The following GLB1 variants were observed in gnomAD, a reference collection of about 807,000 sequenced individuals.
GLB1 encodes the protein beta-galactosidase.
Under a neutral mutation model 74.0 loss-of-function variants are expected in GLB1, and 56 were observed. That is an observed-to-expected ratio of 0.76 (90% confidence interval 0.61 to 0.94). The LOEUF (loss-of-function observed/expected upper bound fraction) is 0.94, where lower values mean the gene tolerates loss of function less well. Ranked by LOEUF, GLB1 falls within the 40% of genes least tolerant of loss-of-function variation. The probability of loss-of-function intolerance (pLI) is 0.00; values close to 1 mark genes in which losing one functional copy is unlikely to be tolerated. For synonymous variants in GLB1, 323 were observed against 323.6 expected (o/e 1.00, Z 0.02); for missense variants, 787 against 845.5 (o/e 0.93, Z 0.86).
chr3:33,008,512 G>A (rs1357827706), intron 15 of GLB1, among the ~76,000 whole-genome samples: 1 of 152,180 alleles, frequency 6.6e-6, no homozygotes, highest in East Asian at 1.9e-4. Flanking sequence ...CAGTCAAGGA[G>A]GATGAGGTCT....
the GLB1 span, among the ~76,000 whole-genome samples, chr3:32,974,707 A>C: frequency 6.6e-6 from 1 of 152,164 alleles, no homozygotes. Flanking sequence ...TGATGTTTCC[A>C]TTAAGAGTCT....
rs1575454011 is a variant in GLB1 at position 33,053,673 on chromosome 3, A to G, written c.734-124T>C. On this transcript the variant is annotated intron_variant, in intron 6 of 15. Transcript: ENST00000307363. ...CGGTCAGAATGTTAGTATCCCCCCA[A>G]AATTCTCATGTTGGAACTTAACACC... is the stretch of plus-strand genomic sequence containing the variant. 1.8e-5 allele frequency: 24 copies of G among 1,303,272 alleles called. No homozygotes were observed. The East Asian group carries it at 5.2e-4, about 28-fold the overall frequency. 80.7% of individuals were successfully genotyped at this position (1,303,272 alleles called of 1,614,324 possible).
the GLB1 span, among the ~76,000 whole-genome samples, chr3:32,986,712 T>C: frequency 6.6e-6 from 1 of 151,846 alleles, no homozygotes; most frequent in Non-Finnish European, 1.5e-5. Flanking sequence ...TGCCTCAGCC[T>C]CCCAAGTAGC....
At chr3:33,001,221 C>T (rs7650543) in intron 15 of GLB1, among the ~76,000 whole-genome samples, 68,726 of 149,698 alleles carry the variant, frequency 0.46, 16,470 homozygotes, top group Middle Eastern at 0.54. Flanking sequence ...CTTCTCTCTT[C>T]TCTCTCTCTC....
At chr3:33,062,810 C>T (rs550836160) in intron 5 of GLB1, among the ~76,000 whole-genome samples, 125 of 152,110 alleles carry the variant, frequency 8.2e-4, no homozygotes, top group Non-Finnish European at 1.6e-3. Flanking sequence ...ATAACAACAA[C>T]GAAAAGAATT....
At chr3:33,053,985 C>G (rs1474567188) in intron 6 of GLB1, among the ~76,000 whole-genome samples, 2 of 151,866 alleles carry the variant, frequency 1.3e-5, no homozygotes, top group Admixed American at 6.5e-5. Context: ...TGCACTCCAG[C>G]CTGGGCAACA....
intron 11 of GLB1, 113 bp downstream of exon 11, chr3:33,024,138 A>G (rs568786483): frequency 7.9e-7 from 1 of 1,259,306 alleles, no homozygotes; most frequent in South Asian, 1.3e-5. Context: ...ACAAATTCGC[A>G]GAAAAATAAC....
In GLB1 at chr3:33,093,429, C is replaced by T. The variant is rs143069303; in HGVS notation, c.75+3582G>A. 51 of 1,614,014 alleles carry T rather than the reference C, an allele frequency of 3.2e-5. No individual in the cohort carries two copies. The highest frequency in any genetic ancestry group is 2.1e-4 in the South Asian group (19 of 91,082). ...CTGGCCCAGAGGAGCGACAGCCGTC[C>T]GCAGGACCGAGGCTTCTGAGTCGGA... On this transcript the variant is annotated intron_variant, in intron 1 of 15. Transcript: ENST00000307363. The surrounding 1 kb of genome is among the most constrained non-coding windows in gnomAD (Gnocchi z 6.0).
intron 14 of GLB1, among the ~76,000 whole-genome samples, chr3:33,015,146 C>T (rs1255072487): frequency 9.9e-5 from 15 of 152,072 alleles, no homozygotes. Context: ...ACAGCAAGAT[C>T]CTGTCTCAAG....
In GLB1 at chr3:33,093,852, G is replaced by A. The variant is rs1365997473; in HGVS notation, c.75+3159C>T. The A allele has an allele frequency of 6.8e-6, 11 of 1,613,724 alleles. No homozygotes were observed. Among genetic ancestry groups the A allele is most frequent in the Non-Finnish European group, 9.3e-6 (11 of 1,179,834 alleles). On this transcript the variant is annotated intron_variant, in intron 1 of 15. Transcript: ENST00000307363. The surrounding 1 kb of genome is among the most constrained non-coding windows in gnomAD (Gnocchi z 6.0). ...ACCCAGGCAGGAGTAGGCCGCCAAG[G>A]AAAAGAGATAGGGCTCTTCGGCCAC...
At chr3:32,967,594 TG>T in the GLB1 span, among the ~76,000 whole-genome samples, 3 of 150,964 alleles carry the variant, frequency 2.0e-5, no homozygotes, top group African/African-American at 7.4e-5. Flanking sequence ...GTCCTTTGGA[TG>T]TTAATCTGAC....
chr3:32,964,665 T>TGA, the GLB1 span, among the ~76,000 whole-genome samples: 1 of 152,228 alleles, frequency 6.6e-6, no homozygotes, highest in Non-Finnish European at 1.5e-5. Context: ...AACATGTACC[T>TGA]ATTTTATGAT....
chr3:33,050,763 T>C (rs1313079945), intron 9 of GLB1, among the ~76,000 whole-genome samples: 1 of 152,186 alleles, frequency 6.6e-6, no homozygotes, highest in Non-Finnish European at 1.5e-5. Context: ...ACTTAAAAAT[T>C]GTCAATTTTA....
At chr3:33,059,537 T>C (rs140724129) in intron 5 of GLB1, among the ~76,000 whole-genome samples, 198 of 152,276 alleles carry the variant, frequency 1.3e-3, no homozygotes, top group African/African-American at 4.6e-3. Context: ...CAATCCCCTT[T>C]AGAGAAAATT....
chr3:33,031,170 T>A (rs1217035040), intron 10 of GLB1, among the ~76,000 whole-genome samples: 1 of 152,164 alleles, frequency 6.6e-6, no homozygotes, highest in Non-Finnish European at 1.5e-5. Flanking sequence ...ACCTAATGTG[T>A]TCTTGAAATG....
At position 33,051,685 on chromosome 3, in the gene GLB1, G is replaced by A; in HGVS notation, c.955+73C>T. 3 of 1,607,972 alleles carry A rather than the reference G, an allele frequency of 1.9e-6. No homozygotes were observed. In the South Asian group the frequency reaches 3.3e-5, roughly 18 times the overall value. On this transcript the variant is annotated intron_variant, in intron 9 of 15. Coordinates refer to ENST00000307363, the MANE Select transcript of GLB1 (RefSeq NM_000404.4). The stretch of plus-strand genomic sequence containing the variant: ...AAAAAGGAAAATAAAATTGTCTGTG[G>A]GCACACCCCTCCTCAAATTAATCAA...
At chr3:33,042,350 C>T (rs576046098) in intron 10 of GLB1, among the ~76,000 whole-genome samples, 118 of 151,014 alleles carry the variant, frequency 7.8e-4, no homozygotes, top group African/African-American at 2.8e-3. Flanking sequence ...CCATCTATAT[C>T]CCTGACCCCT....
chr3:33,022,742 T>C (rs1325383398), intron 11 of GLB1, among the ~76,000 whole-genome samples: 1 of 151,860 alleles, frequency 6.6e-6, no homozygotes, highest in Non-Finnish European at 1.5e-5. Context: ...GTATTTTTAG[T>C]AGAGACGGGG....
chr3:33,089,691 T>C (rs1276932657), intron 1 of GLB1, among the ~76,000 whole-genome samples: 1 of 152,174 alleles, frequency 6.6e-6, no homozygotes, highest in Non-Finnish European at 1.5e-5. Context: ...ATACGAGGTA[T>C]CTAAAGCAGT....
Sources: allele counts gnomAD v4.1 joint callset (sites outside exome capture counted in the v4.1 genomes callset), GRCh38; gene constraint gnomAD v4.1.1; non-coding constraint Gnocchi (gnomAD v3.1); transcripts MANE v1.5; gene names NCBI Gene and HGNC (gene_info 2026-07-23, HGNC 2026-07-21).